KCND2: variants seen among roughly 807,000 people sequenced by gnomAD.
KCND2 encodes the protein A-type voltage-gated potassium channel KCND2.
KCND2 carries 16 observed loss-of-function variants against 54.4 expected under a neutral mutation model. That is an observed-to-expected ratio of 0.29 (90% CI 0.20 to 0.45). KCND2 has a LOEUF of 0.45. Ranked by LOEUF, KCND2 falls within the 20% of genes least tolerant of loss-of-function variation. The probability of loss-of-function intolerance (pLI) is 1.00; values close to 1 mark genes in which losing one functional copy is unlikely to be tolerated. For synonymous variants in KCND2, 317 were observed against 310.7 expected (o/e 1.02, Z -0.21); for missense variants, 486 against 824.2 (o/e 0.59, Z 5.02).
chr7:120,309,472 T>TACACACAC (rs1491288641), intron 1 of KCND2, among the ~76,000 whole-genome samples: 3 of 122,594 alleles, frequency 2.4e-5, no homozygotes, highest in African/African-American at 9.0e-5. Context: ...TATATATATA[T>TACACACAC]ATACACACAC....
At chr7:120,277,316 A>G (rs1449048520) in intron 1 of KCND2, among the ~76,000 whole-genome samples, 2 of 152,102 alleles carry the variant, frequency 1.3e-5, no homozygotes, top group African/African-American at 2.4e-5. Flanking sequence ...GATGATGCAG[A>G]ATGCCTTCGC....
chr7:120,677,275 C>T (rs1410868453), intron 1 of KCND2, among the ~76,000 whole-genome samples: 2 of 152,134 alleles, frequency 1.3e-5, no homozygotes, highest in Non-Finnish European at 2.9e-5. Context: ...ATTTGCATGA[C>T]TTACATCGGG....
At chr7:120,566,611 G>T (rs1308049382) in intron 1 of KCND2, among the ~76,000 whole-genome samples, 1 of 152,116 alleles carries the variant, frequency 6.6e-6, no homozygotes, top group African/African-American at 2.4e-5. Context: ...CTCCCAAAGT[G>T]CTGAGATTAT....
intron 1 of KCND2, among the ~76,000 whole-genome samples, chr7:120,405,397 G>A (rs753844412): frequency 2.0e-5 from 3 of 152,156 alleles, no homozygotes; most frequent in Non-Finnish European, 2.9e-5. Flanking sequence ...CACAGGTCCA[G>A]ATGGACTGAA....
intron 1 of KCND2, among the ~76,000 whole-genome samples, chr7:120,583,323 G>T (rs975897928): frequency 6.6e-6 from 1 of 151,752 alleles, no homozygotes; most frequent in Admixed American, 6.6e-5. Flanking sequence ...TTCAAATATT[G>T]ATTTTTTCCT....
intron 1 of KCND2, among the ~76,000 whole-genome samples, chr7:120,592,835 C>G (rs1792688166): frequency 2.6e-5 from 4 of 152,146 alleles, no homozygotes; most frequent in Non-Finnish European, 4.4e-5. Context: ...TTAGAGTGCT[C>G]ACAGTGCTAC....
chr7:120,671,303 C>T (rs1743331451), intron 1 of KCND2, among the ~76,000 whole-genome samples: 1 of 152,000 alleles, frequency 6.6e-6, no homozygotes, highest in Non-Finnish European at 1.5e-5. Context: ...TTGGGTTTGC[C>T]ATACTGTGAG....
At chr7:120,662,113 G>A (rs1245593573) in intron 1 of KCND2, among the ~76,000 whole-genome samples, 1 of 152,108 alleles carries the variant, frequency 6.6e-6, no homozygotes, top group African/African-American at 2.4e-5. Flanking sequence ...GTAAATCTGT[G>A]TGCTTTTCAC....
intron 1 of KCND2, among the ~76,000 whole-genome samples, chr7:120,422,437 G>T (rs1801639066): frequency 6.6e-6 from 1 of 152,046 alleles, no homozygotes; most frequent in African/African-American, 2.4e-5. Context: ...CTGGGTTTGC[G>T]CTAGTTCCAC....
chr7:120,655,883 T>G (rs1791795401), intron 1 of KCND2, among the ~76,000 whole-genome samples: 1 of 152,102 alleles, frequency 6.6e-6, no homozygotes, highest in African/African-American at 2.4e-5. Context: ...ATTGTGATTA[T>G]GTACATCTAT....
At chr7:120,350,712 C>T (rs1410890244) in intron 1 of KCND2, among the ~76,000 whole-genome samples, 2 of 152,144 alleles carry the variant, frequency 1.3e-5, no homozygotes, top group Admixed American at 6.5e-5. Context: ...TTATTTCTAA[C>T]ACAGCTCCTT....
chr7:120,499,388 A>G (rs1322045910), intron 1 of KCND2, among the ~76,000 whole-genome samples: 2 of 152,062 alleles, frequency 1.3e-5, no homozygotes, highest in African/African-American at 4.8e-5. Context: ...CCAAAATAAG[A>G]CAGAAAACCA....
At chr7:120,293,259 G>C (rs1280230164) in intron 1 of KCND2, among the ~76,000 whole-genome samples, 1 of 151,902 alleles carries the variant, frequency 6.6e-6, no homozygotes, top group Non-Finnish European at 1.5e-5. Context: ...ATACACAATG[G>C]ACAATATTCT....
chr7:120,679,224 A>G (rs1396586184), intron 1 of KCND2, among the ~76,000 whole-genome samples: 2 of 151,804 alleles, frequency 1.3e-5, no homozygotes, highest in African/African-American at 2.4e-5. Context: ...TCTTTTTTTT[A>G]TACTAAAGGA....
chr7:120,422,270 T>C (rs1045248974), intron 1 of KCND2, among the ~76,000 whole-genome samples: 28 of 152,258 alleles, frequency 1.8e-4, no homozygotes, highest in Non-Finnish European at 5.9e-5. Flanking sequence ...AACTTTTTGT[T>C]GTTTTTCTTG....
chr7:120,319,201 G>A (rs1019466369), intron 1 of KCND2, among the ~76,000 whole-genome samples: 1 of 151,886 alleles, frequency 6.6e-6, no homozygotes, highest in Non-Finnish European at 1.5e-5. Context: ...CTCTAAGTTT[G>A]CTATTTGGTT....
At chr7:120,485,479 GC>G (rs1444053960) in intron 1 of KCND2, among the ~76,000 whole-genome samples, 1 of 152,098 alleles carries the variant, frequency 6.6e-6, no homozygotes, top group Non-Finnish European at 1.5e-5. Context: ...AATGACATAT[GC>G]CCGGTTTTTC....
chr7:120,690,598 A>G (rs1488855744), intron 1 of KCND2, among the ~76,000 whole-genome samples: 4 of 152,308 alleles, frequency 2.6e-5, no homozygotes, highest in Admixed American at 1.3e-4. Context: ...AGGACACTGG[A>G]ACAGATGGGT....
At chr7:120,353,133 CT>C (rs72353278) in intron 1 of KCND2, among the ~76,000 whole-genome samples, 267 of 91,786 alleles carry the variant, frequency 2.9e-3, no homozygotes, top group Middle Eastern at 0.012. Flanking sequence ...AATACTTTTA[CT>C]TTTTTTTTTT....
Sources: allele counts gnomAD v4.1 joint callset (sites outside exome capture counted in the v4.1 genomes callset), GRCh38; gene constraint gnomAD v4.1.1; transcripts MANE v1.5; gene names NCBI Gene and HGNC (gene_info 2026-07-23, HGNC 2026-07-21).